Variants in CHRDL1 observed in about 807,000 individuals in gnomAD.
CHRDL1 encodes chordin-like protein 1.
Under a neutral mutation model 40.9 loss-of-function variants are expected in CHRDL1, and 19 were observed. The observed-to-expected ratio is 0.46, with a 90% CI of 0.32 to 0.68. The LOEUF (loss-of-function observed/expected upper bound fraction) is 0.68. Ranked by LOEUF, CHRDL1 falls within the 30% of genes least tolerant of loss-of-function variation. CHRDL1 has a pLI of 0.03. For synonymous variants in CHRDL1, 136 were observed against 123.4 expected, an observed-to-expected ratio of 1.10 and a Z score of -0.68; for missense variants, 329 against 352.1, an observed-to-expected ratio of 0.93 and a Z score of 0.53.
At chrX:110,772,395 T>A (rs1156486015) in intron 2 of CHRDL1, among the ~76,000 whole-genome samples, 2 of 112,975 alleles carry the variant, frequency 1.8e-5, no homozygotes, top group Non-Finnish European at 3.7e-5. Context: ...TCCCAGCACG[T>A]TGGGAGGCTG....
At chrX:110,698,696 A>G (rs2070452079) in intron 7 of CHRDL1, among the ~76,000 whole-genome samples, 1 of 112,215 alleles carries the variant, frequency 8.9e-6, no homozygotes, top group Non-Finnish European at 1.9e-5. Context: ...ATGAAGCTGA[A>G]AGATAAGGGC....
At chrX:110,698,766 G>A (rs1217232064) in intron 7 of CHRDL1, among the ~76,000 whole-genome samples, 3 of 112,600 alleles carry the variant, frequency 2.7e-5, no homozygotes, top group Non-Finnish European at 3.7e-5. Context: ...GGCATTACCA[G>A]CAAGACTGCT....
At chrX:110,694,111 A>T in intron 8 of CHRDL1, 52 bp downstream of exon 8, 1 of 1,021,765 alleles carries the variant, frequency 9.8e-7, no homozygotes. Flanking sequence ...TGCAAAGACC[A>T]GGGCTGCTGA....
chrX:110,710,949 C>G (rs1017732048), intron 6 of CHRDL1, among the ~76,000 whole-genome samples: 5 of 111,433 alleles, frequency 4.5e-5, no homozygotes, highest in African/African-American at 1.6e-4. Flanking sequence ...CACGACCCCC[C>G]ACAGATGCCA....
intron 4 of CHRDL1, among the ~76,000 whole-genome samples, chrX:110,747,980 A>T (rs1186856580): frequency 8.9e-6 from 1 of 112,110 alleles, no homozygotes; most frequent in Non-Finnish European, 1.9e-5. Flanking sequence ...CTGTAAAATG[A>T]CTTCAGCTTC....
At chrX:110,712,703 T>TAA (rs766401411) in intron 6 of CHRDL1, among the ~76,000 whole-genome samples, 1 of 95,619 alleles carries the variant, frequency 1.0e-5, no homozygotes. Flanking sequence ...ACCATGTCTC[T>TAA]AAAAAAAAAA....
At chrX:110,737,048 C>T (rs1195528010) in intron 4 of CHRDL1, among the ~76,000 whole-genome samples, 1 of 112,025 alleles carries the variant, frequency 8.9e-6, no homozygotes, top group Non-Finnish European at 1.9e-5. Context: ...ATAAAATAGC[C>T]ACCTATTTCT....
intron 2 of CHRDL1, among the ~76,000 whole-genome samples, chrX:110,769,031 A>G (rs149910448): frequency 1.3e-3 from 147 of 111,973 alleles, no homozygotes; most frequent in African/African-American, 4.7e-3. Context: ...ACTTGAGCAC[A>G]TACCATGTTA....
intron 2 of CHRDL1, among the ~76,000 whole-genome samples, chrX:110,777,154 C>T (rs1348277358): frequency 9.0e-6 from 1 of 111,007 alleles, no homozygotes; most frequent in Admixed American, 9.6e-5. Flanking sequence ...ACATTTCCTC[C>T]ATGTTTCTTC....
At chrX:110,703,748 C>T (rs1193033918) in intron 6 of CHRDL1, among the ~76,000 whole-genome samples, 2 of 111,892 alleles carry the variant, frequency 1.8e-5, no homozygotes, top group South Asian at 7.5e-4. Context: ...CCTGAAAGAA[C>T]CATTAAGTCA....
chrX:110,790,678 T>A (rs924755705), intron 2 of CHRDL1, among the ~76,000 whole-genome samples: 1 of 109,846 alleles, frequency 9.1e-6, no homozygotes, highest in Non-Finnish European at 1.9e-5. Flanking sequence ...ACTTATTGAG[T>A]AATATTTCAT....
chrX:110,694,647 ACT>A (rs1434734935), intron 7 of CHRDL1, among the ~76,000 whole-genome samples: 1 of 112,089 alleles, frequency 8.9e-6, no homozygotes, highest in African/African-American at 3.2e-5. Context: ...TGCTGCCAAG[ACT>A]CTCACATTTC....
intron 2 of CHRDL1, among the ~76,000 whole-genome samples, chrX:110,790,345 C>A (rs1469265593): frequency 1.8e-5 from 2 of 112,038 alleles, no homozygotes; most frequent in Non-Finnish European, 3.8e-5. Context: ...GGGCTTGGGA[C>A]AAATTCATCA....
chrX:110,697,082 C>T (rs1045169050), intron 7 of CHRDL1, among the ~76,000 whole-genome samples: 3 of 110,973 alleles, frequency 2.7e-5, no homozygotes, highest in Non-Finnish European at 5.7e-5. Flanking sequence ...CTTGAGAGAG[C>T]GGGTCAAAAC....
At chrX:110,772,620 TAG>T (rs1159789397) in intron 2 of CHRDL1, among the ~76,000 whole-genome samples, 2 of 112,462 alleles carry the variant, frequency 1.8e-5, no homozygotes, top group African/African-American at 6.5e-5. Context: ...GCCTGAGCGA[TAG>T]AGCAAGACTC....
chrX:110,676,925 C>T (rs1406272993), intron 11 of CHRDL1, among the ~76,000 whole-genome samples: 1 of 111,036 alleles, frequency 9.0e-6, no homozygotes, highest in Non-Finnish European at 1.9e-5. Context: ...CCTTATACCC[C>T]CTTAGCACCC....
At chrX:110,683,662 C>T (rs938067911) in intron 9 of CHRDL1, among the ~76,000 whole-genome samples, 2 of 111,426 alleles carry the variant, frequency 1.8e-5, no homozygotes, top group South Asian at 3.8e-4. Context: ...GTATGGCAGA[C>T]GTATCTGAAT....
At chrX:110,707,948 GA>G (rs1434396663) in intron 6 of CHRDL1, among the ~76,000 whole-genome samples, 2 of 108,828 alleles carry the variant, frequency 1.8e-5, no homozygotes, top group South Asian at 3.9e-4. Flanking sequence ...AAATTTACAA[GA>G]AAAAAAAACC....
chrX:110,791,266 G>C lies in CHRDL1; in HGVS notation c.94+822C>G, dbSNP rs1015880064. ...TTGATGCTGTCAAAAAGGGGAACTAGAGCTTAGGCTTTTCCTTCAAATTTA... is the reference window on the plus strand; with the variant it reads ...TTGATGCTGTCAAAAAGGGGAACTACAGCTTAGGCTTTTCCTTCAAATTTA... On this transcript the variant is annotated intron_variant, in intron 2 of 11. Transcript: ENST00000372042. Among the ~76,000 whole-genome samples, 7 of 111,507 alleles carry C rather than the reference G, an allele frequency of 6.3e-5. No homozygotes were observed. In the Admixed American group the frequency reaches 6.7e-4, roughly 11 times the overall value.
Sources: allele counts gnomAD v4.1 joint callset (sites outside exome capture counted in the v4.1 genomes callset), GRCh38; gene constraint gnomAD v4.1.1; transcripts MANE v1.5; gene names NCBI Gene and HGNC (gene_info 2026-07-23, HGNC 2026-07-21).